WDR47: variants seen among roughly 807,000 people sequenced by gnomAD.
The protein encoded by WDR47 is WD repeat domain 47.
A neutral mutation model predicts 97.2 loss-of-function variants in WDR47; 32 were observed. The ratio of observed to expected loss-of-function variants is 0.33; its 90% confidence interval spans 0.25 to 0.44. The LOEUF is 0.44. WDR47 is among the 20% of genes least tolerant of loss of function. WDR47 has a pLI of 1.00. For missense variants in WDR47, 782 were observed against 1,102.3 expected (o/e 0.71, Z 4.11); for synonymous variants, 375 against 373.5 (o/e 1.00, Z -0.05).
At chr1:108,982,809 A>G in intron 11 of WDR47, 30 bp from the exon 12 acceptor site, 1 of 1,582,074 alleles carries the variant, frequency 6.3e-7, no homozygotes, top group Non-Finnish European at 8.5e-7. Context: ...TAAAAAAAAA[A>G]AATGCTGCTC....
At chr1:109,040,734 A>G (rs867705182) in intron 1 of WDR47, among the ~76,000 whole-genome samples, 2 of 152,324 alleles carry the variant, frequency 1.3e-5, no homozygotes, top group Middle Eastern at 3.4e-3. Context: ...AATATGCCAT[A>G]TAAAGGAAAA....
Position 109,026,143 on chromosome 1 carries a change from C to T in WDR47, c.-9-2622G>A, listed in dbSNP as rs562722024. ...CCCACTGCAGCCTTGACCTCCCAGG[C>T]TCAAGTGATCCTCCCGCTTCAGCCT... On this transcript the variant is annotated intron_variant, in intron 1 of 14. Coordinates refer to ENST00000369962, the MANE Select transcript of WDR47 (RefSeq NM_001142551.2). Among the ~76,000 whole-genome samples the T allele has an allele frequency of 2.0e-5, 3 of 152,070 alleles. No individual in the cohort carries two copies. The East Asian group carries it at 5.8e-4, about 29-fold the overall frequency.
intron 5 of WDR47, among the ~76,000 whole-genome samples, chr1:109,009,231 C>T (rs2101933896): frequency 6.6e-6 from 1 of 152,278 alleles, no homozygotes; most frequent in South Asian, 2.1e-4. Context: ...TTATTGAAGT[C>T]AACACTAATA....
chr1:109,036,469 A>G (rs1370002271), intron 1 of WDR47, among the ~76,000 whole-genome samples: 1 of 146,932 alleles, frequency 6.8e-6, no homozygotes, highest in South Asian at 2.1e-4. Context: ...GAGGAGGTGA[A>G]GGTTGCAGTG....
Position 109,002,468 on chromosome 1 carries a change from C to A in WDR47, c.1255-66G>T, listed in dbSNP as rs566688461. The A allele has an allele frequency of 3.8e-5, 46 of 1,223,520 alleles. No individual in the cohort carries two copies. In the African/African-American group the frequency reaches 6.3e-4, roughly 17 times the overall value. The allele number at this position is 1,223,520 out of a possible 1,614,324, so 75.8% of individuals were successfully genotyped here. ...TATGACAGAATATATCTTAACAGTA[C>A]CTTTTATAAATGCTGAATAAAATAT... is the stretch of plus-strand genomic sequence containing the variant. On this transcript the variant is annotated intron_variant, in intron 6 of 14. Coordinates refer to ENST00000369962, the MANE Select transcript of WDR47 (RefSeq NM_001142551.2).
At chr1:109,008,098 T>A (rs1243735030) in intron 5 of WDR47, among the ~76,000 whole-genome samples, 2 of 147,674 alleles carry the variant, frequency 1.4e-5, no homozygotes, top group East Asian at 2.0e-4. Flanking sequence ...CAAGACTCCA[T>A]CTCAAAAAAA....
intron 6 of WDR47, among the ~76,000 whole-genome samples, chr1:109,003,588 G>A (rs1211420829): frequency 6.6e-6 from 1 of 152,044 alleles, no homozygotes; most frequent in African/African-American, 2.4e-5. Context: ...TGCAACCTCC[G>A]CCTCCCAGGT....
At chr1:108,975,290 T>C (rs1218731560) in intron 13 of WDR47, among the ~76,000 whole-genome samples, 1 of 151,630 alleles carries the variant, frequency 6.6e-6, no homozygotes, top group Non-Finnish European at 1.5e-5. Context: ...AATAAATAAT[T>C]TTATTTTATA....
chr1:109,038,504 C>T (rs551320161), intron 1 of WDR47, among the ~76,000 whole-genome samples: 1 of 151,952 alleles, frequency 6.6e-6, no homozygotes, highest in Admixed American at 6.6e-5. Flanking sequence ...CATGGCAAAA[C>T]CCTATCTCTA....
At position 109,013,883 on chromosome 1, in the gene WDR47, TAA is replaced by T; in HGVS notation, c.283_284del (p.Leu95MetfsTer3). ...IILKQKFLEA[L>X]CVNNAMSAED... ...CTGCTGACATCGCGTTGTTAACACA[TAA>T]AGCTTCTAAAAACTTCTGCTTCAGG... On this transcript the variant is annotated frameshift_variant, in exon 4 of 15. Coordinates refer to ENST00000369962, the MANE Select transcript of WDR47 (RefSeq NM_001142551.2). LOFTEE classifies it high-confidence loss of function. 6.2e-7 allele frequency: 1 copy of T among 1,613,188 alleles called. No individual in the cohort carries two copies. The highest frequency in any genetic ancestry group is 8.5e-7 in the Non-Finnish European group (1 of 1,179,862).
chr1:109,007,742 A>G (rs1660726245), intron 5 of WDR47, among the ~76,000 whole-genome samples: 1 of 152,224 alleles, frequency 6.6e-6, no homozygotes, highest in Non-Finnish European at 1.5e-5. Flanking sequence ...GAGAGATTAA[A>G]TAACTTTCCC....
At position 108,973,732 on chromosome 1, in the gene WDR47, A is replaced by C. The variant is rs547956641; in HGVS notation, c.2617+804T>G. ...TCCCATCTTTACAAAAAAATTTTTA[A>C]AATGTGCCATCCATGGTGGTGCACA... On this transcript the variant is annotated intron_variant, in intron 14 of 14. Transcript: ENST00000369962. 1.5e-4 allele frequency among the ~76,000 whole-genome samples: 23 copies of C among 152,234 alleles called. No homozygotes were observed. In the South Asian group the frequency reaches 4.8e-3, roughly 32 times the overall value.
intron 13 of WDR47, among the ~76,000 whole-genome samples, chr1:108,976,762 A>AGGACCTAAC (rs2101790843): frequency 6.6e-6 from 1 of 152,346 alleles, no homozygotes; most frequent in South Asian, 2.1e-4. Context: ...GGACCTAACC[A>AGGACCTAAC]TGAGAAGACA....
intron 10 of WDR47, among the ~76,000 whole-genome samples, chr1:108,984,208 A>G (rs1358852010): frequency 1.3e-5 from 2 of 152,184 alleles, no homozygotes; most frequent in African/African-American, 4.8e-5. Context: ...ATGCTCCTCA[A>G]GAGTTTGTCC....
intron 13 of WDR47, among the ~76,000 whole-genome samples, chr1:108,981,217 T>C (rs1293119835): frequency 6.6e-6 from 1 of 151,984 alleles, no homozygotes; most frequent in Non-Finnish European, 1.5e-5. Context: ...AAAGAGAAAT[T>C]TGTAATGCAT....
chr1:108,983,853 T>C (rs564405544), intron 10 of WDR47, among the ~76,000 whole-genome samples: 3 of 152,096 alleles, frequency 2.0e-5, no homozygotes, highest in South Asian at 4.2e-4. Flanking sequence ...AATAAACATA[T>C]AATGTGAGCA....
At chr1:109,011,899 C>T (rs1458778865) in intron 4 of WDR47, among the ~76,000 whole-genome samples, 181 bp from the exon 5 acceptor site, 1 of 152,064 alleles carries the variant, frequency 6.6e-6, no homozygotes, top group Non-Finnish European at 1.5e-5. Context: ...AAATAATAAA[C>T]TTGGTTTATT....
At chr1:109,028,362 G>GTTTTTTTTTT (rs372929187) in intron 1 of WDR47, among the ~76,000 whole-genome samples, 1,226 of 79,764 alleles carry the variant, frequency 0.015, 29 homozygotes, top group East Asian at 0.02. Context: ...TTTTTGTTGG[G>GTTTTTTTTTT]TTTTTTTTTT....
chr1:109,012,001 G>A (rs571001215), intron 4 of WDR47, among the ~76,000 whole-genome samples: 1 of 152,176 alleles, frequency 6.6e-6, no homozygotes, highest in South Asian at 2.1e-4. Context: ...TGGAGTGCAG[G>A]GGTTATTCAT....
Sources: allele counts gnomAD v4.1 joint callset (sites outside exome capture counted in the v4.1 genomes callset), GRCh38; gene constraint gnomAD v4.1.1; transcripts MANE v1.5; gene names NCBI Gene and HGNC (gene_info 2026-07-23, HGNC 2026-07-21).